DNAH9: variants seen among roughly 807,000 people sequenced by gnomAD.
DNAH9 encodes DNAH9 variant protein.
A neutral mutation model predicts 471.6 loss-of-function variants in DNAH9; 345 were observed. That is an observed-to-expected ratio of 0.73 (90% CI 0.67 to 0.80). DNAH9 has a LOEUF of 0.80. DNAH9 is among the 30% of genes least tolerant of loss of function. DNAH9 has a pLI of 0.00. For missense variants in DNAH9, 5,407 were observed against 5,609.2 expected (o/e 0.96, Z 1.15); for synonymous variants, 2,093 against 2,123.6 (o/e 0.99, Z 0.40).
At chr17:11,646,712 G>A (rs1237386466) in intron 11 of DNAH9, among the ~76,000 whole-genome samples, 2 of 152,104 alleles carry the variant, frequency 1.3e-5, no homozygotes, top group Non-Finnish European at 2.9e-5. Flanking sequence ...TCGGGAGCTC[G>A]AGACCAGCCT....
intron 3 of DNAH9, among the ~76,000 whole-genome samples, chr17:11,611,262 A>G (rs1363999453): frequency 6.6e-6 from 1 of 152,192 alleles, no homozygotes; most frequent in African/African-American, 2.4e-5. Context: ...CACCCTGCTG[A>G]GATGCCCCAT....
intron 60 of DNAH9, 59 bp downstream of exon 60, chr17:11,902,971 C>A (rs2151013357): frequency 6.5e-7 from 1 of 1,542,864 alleles, no homozygotes; most frequent in Non-Finnish European, 8.8e-7. Flanking sequence ...AACCTCAGGA[C>A]AACTGGACCA....
intron 61 of DNAH9, among the ~76,000 whole-genome samples, chr17:11,918,675 AG>A (rs1974035251): frequency 6.6e-6 from 1 of 152,198 alleles, no homozygotes; most frequent in African/African-American, 2.4e-5. Context: ...AAGAGTGAAT[AG>A]AGACAAAGGT....
At chr17:11,616,181 C>T (rs1218710681) in intron 4 of DNAH9, among the ~76,000 whole-genome samples, 3 of 152,056 alleles carry the variant, frequency 2.0e-5, no homozygotes, top group African/African-American at 7.2e-5. Context: ...GTTATTCAGA[C>T]CTTAATTTCT....
chr17:11,773,127 TATC>T (rs1321354646), intron 38 of DNAH9, among the ~76,000 whole-genome samples: 6 of 152,222 alleles, frequency 3.9e-5, no homozygotes, highest in African/African-American at 1.4e-4. Flanking sequence ...GCTGCTCTAG[TATC>T]ATTCAATGAA....
intron 33 of DNAH9, among the ~76,000 whole-genome samples, chr17:11,753,586 G>A (rs1364953083): frequency 6.6e-6 from 1 of 152,162 alleles, no homozygotes; most frequent in Non-Finnish European, 1.5e-5. Flanking sequence ...AGAATTGCTT[G>A]AACCCGGAGG....
intron 50 of DNAH9, among the ~76,000 whole-genome samples, chr17:11,859,335 C>T (rs1391810289): frequency 6.7e-6 from 1 of 149,424 alleles, no homozygotes; most frequent in Non-Finnish European, 1.5e-5. Context: ...TTGCTTGAAC[C>T]TGGAAGGCAG....
chr17:11,738,712 G>C (rs938601358), intron 28 of DNAH9, among the ~76,000 whole-genome samples, 168 bp from the exon 29 acceptor site: 7 of 152,098 alleles, frequency 4.6e-5, no homozygotes, highest in Non-Finnish European at 1.0e-4. Context: ...ATGCAACCAG[G>C]GCCTGTCAGT....
At position 11,834,931 on chromosome 17, in the gene DNAH9, C is replaced by T. The variant is rs781710814; in HGVS notation, c.9507+33C>T. On this transcript the variant is annotated intron_variant, in intron 49 of 68. Coordinates refer to ENST00000262442, the MANE Select transcript of DNAH9 (RefSeq NM_001372.4). ...GACTGTCTGCCATACCTGCTCATCCCTCAGGGGCTGGTAGACGCAGAGACC... is the reference window on the plus strand; with the variant it reads ...GACTGTCTGCCATACCTGCTCATCCTTCAGGGGCTGGTAGACGCAGAGACC... 3 of 1,602,472 alleles carry T rather than the reference C, an allele frequency of 1.9e-6. No homozygotes were observed. The South Asian group carries it at 3.3e-5, about 18-fold the overall frequency.
Position 11,747,587 on chromosome 17 carries a change from G to T in DNAH9, c.6431G>T (p.Arg2144Leu). 1 of 1,613,930 alleles carries T rather than the reference G, an allele frequency of 6.2e-7. No individual in the cohort carries two copies. The highest frequency in any genetic ancestry group is 8.5e-7 in the Non-Finnish European group (1 of 1,180,014). ...CAGCTGGAGGAGCTCCTGGCTGTGCGGCACTCTGTATTTGTGGTGGGTGGC... is the reference window on the plus strand; with the variant it reads ...CAGCTGGAGGAGCTCCTGGCTGTGCTGCACTCTGTATTTGTGGTGGGTGGC... ...VVQLEELLAV[R>L]HSVFVVGGAG... is the part of the protein sequence containing the mutation. Residue 2144 changes from arginine (R) to leucine (L), a missense_variant, in exon 32 of 69, where the codon CGG (arginine) becomes CTG (leucine). Physicochemically the swap from Arg to Leu is moderately radical, Grantham distance 102. Coordinates refer to ENST00000262442, the MANE Select transcript of DNAH9 (RefSeq NM_001372.4).
intron 50 of DNAH9, among the ~76,000 whole-genome samples, chr17:11,864,290 A>G (rs958284842): frequency 1.3e-5 from 2 of 151,886 alleles, no homozygotes; most frequent in African/African-American, 4.8e-5. Flanking sequence ...CCCAGTAGTC[A>G]TTCAGGAGCA....
chr17:11,968,656 T>G (rs968980243), intron 68 of DNAH9, among the ~76,000 whole-genome samples: 1 of 152,226 alleles, frequency 6.6e-6, no homozygotes, highest in Non-Finnish European at 1.5e-5. Context: ...CTTCCCAAAT[T>G]TATTGGACCA....
At position 11,784,404 on chromosome 17, in the gene DNAH9, G is replaced by A. The variant is rs16945337; in HGVS notation, c.7926G>A (p.Ala2642=). The part of the protein sequence containing the change: ...TQHLKLGNFP[A]SLQKSIPPLI... Reference sequence around the variant, plus strand: ...ATCTGAAGCTCGGAAACTTCCCGGCGTCCCTGCAGAAATCCATCCCCCCAC... The same window carrying A: ...ATCTGAAGCTCGGAAACTTCCCGGCATCCCTGCAGAAATCCATCCCCCCAC... The change falls in exon 41 of 69, where the codon GCG becomes GCA. Residue 2642 remains alanine, a synonymous_variant. Coordinates refer to ENST00000262442, the MANE Select transcript of DNAH9 (RefSeq NM_001372.4). The A allele has an allele frequency of 0.028, 45,912 of 1,614,058 alleles. 1,054 individuals are homozygous for A. The highest frequency in any genetic ancestry group is 0.083 in the African/African-American group (6,239 of 74,990).
At position 11,781,083 on chromosome 17, in the gene DNAH9, T is replaced by C. The variant is rs1450601940; in HGVS notation, c.7627T>C (p.Phe2543Leu). 14 of 1,613,904 alleles carry C rather than the reference T, an allele frequency of 8.7e-6. No homozygotes were observed. The highest frequency in any genetic ancestry group is 1.2e-5 in the Non-Finnish European group (14 of 1,179,902). ...TCCAGGGAACAAGAAACTCATCTAT[T>C]TCATTGATGACATGAACATGCCTGA... ...GPPGNKKLIY[F>L]IDDMNMPEVD... is the part of the protein sequence containing the mutation. The change falls in exon 39 of 69, where the codon TTC becomes CTC. Residue 2543 changes from phenylalanine to leucine, a missense_variant. By Grantham distance (22) the Phe-to-Leu change is conservative. Coordinates refer to ENST00000262442, the MANE Select transcript of DNAH9 (RefSeq NM_001372.4).
chr17:11,694,037 C>T (rs771515241), intron 21 of DNAH9, 39 bp downstream of exon 21: 1 of 1,600,144 alleles, frequency 6.2e-7, no homozygotes, highest in Non-Finnish European at 8.5e-7. Flanking sequence ...AATAAGAAGG[C>T]ATCATTTCCT....
At chr17:11,878,915 T>A (rs1481879999) in intron 53 of DNAH9, among the ~76,000 whole-genome samples, 1 of 152,236 alleles carries the variant, frequency 6.6e-6, no homozygotes, top group Non-Finnish European at 1.5e-5. Context: ...ATCCAATCAA[T>A]TTAAATATAG....
At chr17:11,667,217 A>G (rs2073888108) in intron 15 of DNAH9, among the ~76,000 whole-genome samples, 1 of 152,238 alleles carries the variant, frequency 6.6e-6, no homozygotes, top group Non-Finnish European at 1.5e-5. Flanking sequence ...CATAATATGT[A>G]TATTAATGCA....
chr17:11,680,739 G>C lies in DNAH9; in HGVS notation c.3593G>C (p.Trp1198Ser), dbSNP rs141958775. Reference sequence around the variant, plus strand: ...CCTTTGCAGGAGCTGCCTGAGAAATGGAACAACATAAAAAAGGTGGCCATT... The same window carrying C: ...CCTTTGCAGGAGCTGCCTGAGAAATCGAACAACATAAAAAAGGTGGCCATT... ...FKQLEELPEK[W>S]NNIKKVAITV... Residue 1198 changes from tryptophan (W) to serine (S), a missense_variant, in exon 19 of 69, where the codon TGG becomes TCG. Physicochemically the swap from Trp to Ser is radical, Grantham distance 177. Around this residue, in one of 3 missense-constraint regions of DNAH9, gnomAD observed 4,636 missense variants for 4,900.3 expected, o/e 0.95. Transcript: ENST00000262442. 6.3e-4 allele frequency: 1,016 copies of C among 1,614,000 alleles called. No individual in the cohort carries two copies. The highest frequency in any genetic ancestry group is 1.5e-3 in the Admixed American group (89 of 59,998).
chr17:11,796,329 T>A (rs1277586580), intron 42 of DNAH9, among the ~76,000 whole-genome samples: 1 of 152,266 alleles, frequency 6.6e-6, no homozygotes, highest in Non-Finnish European at 1.5e-5. Flanking sequence ...TGCGCTTACA[T>A]CTTATCCAAA....
Sources: gnomAD v4.1 joint callset for allele counts (sites outside exome capture counted in the v4.1 genomes callset) on GRCh38, gnomAD v4.1.1 for gene constraint, gnomAD v4.1.1 regional missense constraint, MANE v1.5 for transcripts, NCBI Gene and HGNC (gene_info 2026-07-23, HGNC 2026-07-21) for gene names.